CYREN: variants seen among roughly 807,000 people sequenced by gnomAD.
The protein encoded by CYREN is cell cycle regulator of non-homologous end joining.
Under a neutral mutation model 9.7 loss-of-function variants are expected in CYREN, and 7 were observed. The observed-to-expected ratio is 0.72, with a 90% CI of 0.41 to 1.36. The LOEUF (loss-of-function observed/expected upper bound fraction) is 1.36. CYREN is among the 40% of genes most tolerant of loss of function. The pLI, the probability that CYREN is intolerant of heterozygous loss-of-function variation, is 0.01. For synonymous variants in CYREN, 76 were observed against 77.9 expected (o/e 0.98, Z 0.13); for missense variants, 215 against 198.1 (o/e 1.09, Z -0.51).
At chr7:135,165,116 A>C, downstream of CYREN, 1 of 1,327,042 alleles carries the variant, frequency 7.5e-7, no homozygotes, top group South Asian at 1.6e-5. Flanking sequence ...AACCCACTAC[A>C]GAGGAGGTGG....
intron 2 of CYREN, among the ~76,000 whole-genome samples, chr7:135,096,783 G>GAAAGAAAGAAAGAAAGA: frequency 6.7e-6 from 1 of 148,866 alleles, no homozygotes; most frequent in African/African-American, 2.5e-5. Context: ...AAGAAAGAAA[G>GAAAGAAAGAAAGAAAGA]AAAGAAAGAA....
chr7:135,165,141 A>G, downstream of CYREN: 1 of 1,015,922 alleles, frequency 9.8e-7, no homozygotes, highest in Non-Finnish European at 1.4e-6. Flanking sequence ...CCTGTGTCAA[A>G]GAGGCCGAGG....
At chr7:135,138,872 G>A (rs1358231571) in intron 2 of CYREN, among the ~76,000 whole-genome samples, 1 of 151,846 alleles carries the variant, frequency 6.6e-6, no homozygotes, top group East Asian at 1.9e-4. Context: ...GCATTAATTT[G>A]CTTAGGATAA....
intron 3 of CYREN, chr7:135,167,265 G>A (rs2117508517): frequency 7.5e-6 from 8 of 1,071,966 alleles, no homozygotes; most frequent in Admixed American, 4.9e-5. Flanking sequence ...ATGACATAAC[G>A]CATGCTTTCA....
At chr7:135,125,411 A>C (rs1349089065) in intron 2 of CYREN, among the ~76,000 whole-genome samples, 1 of 152,192 alleles carries the variant, frequency 6.6e-6, no homozygotes, top group Non-Finnish European at 1.5e-5. Context: ...TAGCCTACCA[A>C]GCAAAAAAAA....
At position 135,099,539 on chromosome 7, in the gene CYREN, A is replaced by ACG. The variant is rs1416024355; in HGVS notation, n.357-4959_357-4958dup. Reference sequence around the variant, plus strand: ...TCTCTTTTTTAGTGAAAATACCTGAACGAGCCCCTTCTTGGCTTCTAAAAA... The same window carrying ACG: ...TCTCTTTTTTAGTGAAAATACCTGAACGCGAGCCCCTTCTTGGCTTCTAAAAA... On this transcript the variant is annotated intron_variant and non_coding_transcript_variant, in intron 2 of 2. Transcript: ENST00000459937. Among the ~76,000 whole-genome samples, 9 of 152,312 alleles carry ACG rather than the reference A, an allele frequency of 5.9e-5. No individual in the cohort carries two copies. The East Asian group carries it at 1.7e-3, about 29-fold the overall frequency.
intron 2 of CYREN, among the ~76,000 whole-genome samples, chr7:135,133,251 G>A (rs1829046581): frequency 6.6e-6 from 1 of 152,160 alleles, no homozygotes; most frequent in African/African-American, 2.4e-5. Flanking sequence ...TTTCTATGCT[G>A]AAAAGTATAC....
chr7:135,129,298 A>G, intron 2 of CYREN: 1 of 1,484,102 alleles, frequency 6.7e-7, no homozygotes, highest in Non-Finnish European at 9.4e-7. Flanking sequence ...AGGTTGACCT[A>G]CCATGGGGTC....
chr7:135,125,465 C>T (rs903768977), intron 2 of CYREN, among the ~76,000 whole-genome samples: 17 of 152,172 alleles, frequency 1.1e-4, no homozygotes, highest in African/African-American at 4.1e-4. Context: ...ACCAGAAGTA[C>T]AAAGAAGAGC....
intron 2 of CYREN, among the ~76,000 whole-genome samples, chr7:135,098,712 A>ACCT (rs1823304266): frequency 4.6e-5 from 7 of 152,206 alleles, no homozygotes; most frequent in African/African-American, 1.7e-4. Context: ...AAAGAAAGAT[A>ACCT]TCTCAAAGGC....
intron 2 of CYREN, among the ~76,000 whole-genome samples, chr7:135,154,432 G>A (rs566080407): frequency 6.6e-6 from 1 of 151,792 alleles, no homozygotes; most frequent in Non-Finnish European, 1.5e-5. Flanking sequence ...CTAATTCCTT[G>A]AGGTGCAATG....
chr7:135,140,827 G>A (rs1829439296), intron 2 of CYREN, among the ~76,000 whole-genome samples: 1 of 151,938 alleles, frequency 6.6e-6, no homozygotes, highest in South Asian at 2.1e-4. Context: ...ATCAATAGAT[G>A]CAGGAAAGAT....
chr7:135,115,538 A>G, intron 2 of CYREN: 1 of 1,551,532 alleles, frequency 6.4e-7, no homozygotes, highest in Non-Finnish European at 8.7e-7. Context: ...CATCGTGCAT[A>G]GCACTAAAAA....
chr7:135,139,104 A>G (rs1454014948), intron 2 of CYREN, among the ~76,000 whole-genome samples: 1 of 152,108 alleles, frequency 6.6e-6, no homozygotes, highest in African/African-American at 2.4e-5. Context: ...CTTTGGATAT[A>G]TACTGCATAA....
At chr7:135,128,523 A>C in intron 2 of CYREN, 2 of 762,856 alleles carry the variant, frequency 2.6e-6, no homozygotes, top group Admixed American at 1.7e-5. Context: ...TTAGAAAAGC[A>C]GTCTGTCCAA....
intron 2 of CYREN, among the ~76,000 whole-genome samples, chr7:135,122,415 G>A (rs1043089552): frequency 6.6e-6 from 1 of 152,174 alleles, no homozygotes; most frequent in Non-Finnish European, 1.5e-5. Flanking sequence ...AGCGGGAGGG[G>A]TGACCACAGT....
Position 135,151,841 on chromosome 7 carries a change from A to AT in CYREN, n.356+16907dup, listed in dbSNP as rs1392966602. Among the ~76,000 whole-genome samples the AT allele has an allele frequency of 3.3e-5, 5 of 152,104 alleles. No homozygotes were observed. Among genetic ancestry groups the AT allele is most frequent in the Non-Finnish European group, 5.9e-5 (4 of 67,998 alleles). ...CCCAGGTCATCTGGCTCTAAAACCC[A>AT]TGCTCCTTACCACCACACTGTGCTA... On this transcript the variant is annotated intron_variant and non_coding_transcript_variant, in intron 2 of 2. Coordinates refer to the CYREN transcript ENST00000459937. The surrounding 1 kb of genome is among the most constrained non-coding windows in gnomAD (Gnocchi z 4.3).
downstream of CYREN, chr7:135,164,455 G>A (rs770106563): frequency 7.5e-6 from 12 of 1,599,036 alleles, no homozygotes; most frequent in Middle Eastern, 1.7e-4. Context: ...GCCGGCCCAA[G>A]GCCTCGGTGG....
At chr7:135,147,963 A>T in intron 2 of CYREN, 1 of 454,916 alleles carries the variant, frequency 2.2e-6, no homozygotes, top group South Asian at 1.6e-5. Context: ...GACAATAAAA[A>T]GTTGTTTACA....
Sources: allele counts gnomAD v4.1 joint callset (sites outside exome capture counted in the v4.1 genomes callset), GRCh38; gene constraint gnomAD v4.1.1; non-coding constraint Gnocchi (gnomAD v3.1); transcripts MANE v1.5; gene names NCBI Gene and HGNC (gene_info 2026-07-23, HGNC 2026-07-21).